The following RNF185 variants were observed in gnomAD, a reference collection of about 807,000 sequenced individuals.
The protein encoded by RNF185 is E3 ubiquitin-protein ligase RNF185.
A neutral mutation model predicts 24.9 loss-of-function variants in RNF185; 13 were observed. The ratio of observed to expected loss-of-function variants is 0.52; its 90% CI spans 0.34 to 0.83. RNF185 has a LOEUF of 0.83. RNF185 is among the 40% of genes least tolerant of loss of function. RNF185 has a pLI of 0.01. For synonymous variants in RNF185, 79 were observed against 90.3 expected (o/e 0.88, Z 0.71); for missense variants, 184 against 244.7 (o/e 0.75, Z 1.65).
intron 1 of RNF185, among the ~76,000 whole-genome samples, chr22:31,182,691 T>G (rs1318670418): frequency 2.0e-5 from 3 of 152,184 alleles, no homozygotes; most frequent in Non-Finnish European, 4.4e-5. Flanking sequence ...TTTGTTTGAA[T>G]CTTGTTCCAA....
Position 31,205,836 on chromosome 22 carries a change from G to A in RNF185, c.*1250G>A, listed in dbSNP as rs867926191. The A allele has an allele frequency of 5.2e-5, 8 of 152,530 alleles. No homozygotes were observed. The highest frequency in any genetic ancestry group is 2.1e-4 in the South Asian group (1 of 4,830). 9.4% of individuals were successfully genotyped at this position (152,530 alleles called of 1,614,324 possible). On this transcript the variant is annotated 3_prime_UTR_variant, in exon 7 of 7. Coordinates refer to ENST00000326132, the MANE Select transcript of RNF185 (RefSeq NM_152267.4). ...GTGTGGTCTTCCCTCCTGTGGAATC[G>A]AGGGGAAATTATTCTTCCCAATACC...
intron 1 of RNF185, among the ~76,000 whole-genome samples, chr22:31,163,673 T>C (rs1198135199): frequency 6.7e-6 from 1 of 149,570 alleles, no homozygotes; most frequent in Non-Finnish European, 1.5e-5. Flanking sequence ...TATTTATTTA[T>C]TTATTTATTT....
chr22:31,169,923 A>G (rs1470046636), intron 1 of RNF185, among the ~76,000 whole-genome samples: 1 of 150,044 alleles, frequency 6.7e-6, no homozygotes, highest in Admixed American at 6.7e-5. Context: ...GTCGTTGGGA[A>G]CAAAGCTCCC....
intron 1 of RNF185, among the ~76,000 whole-genome samples, chr22:31,169,337 T>C (rs1352975340): frequency 6.6e-6 from 1 of 152,258 alleles, no homozygotes; most frequent in Non-Finnish European, 1.5e-5. Flanking sequence ...CATTTTACTC[T>C]ATTGGTAGTG....
chr22:31,186,674 A>G (rs985718423), intron 1 of RNF185, among the ~76,000 whole-genome samples: 1 of 152,172 alleles, frequency 6.6e-6, no homozygotes, highest in Non-Finnish European at 1.5e-5. Flanking sequence ...ACCCATCAAT[A>G]TAGAGGCTGG....
At chr22:31,198,394 C>CTTTTT (rs11298437) in intron 5 of RNF185, among the ~76,000 whole-genome samples, 2 of 96,934 alleles carry the variant, frequency 2.1e-5, no homozygotes, top group Admixed American at 1.2e-4. Context: ...TCTTTGCACA[C>CTTTTT]TTTTTTTTTT....
At chr22:31,172,442 T>A (rs1224333125) in intron 1 of RNF185, among the ~76,000 whole-genome samples, 1 of 150,744 alleles carries the variant, frequency 6.6e-6, no homozygotes, top group Non-Finnish European at 1.5e-5. Flanking sequence ...AGGCACTGTT[T>A]CATACTTATT....
chr22:31,171,156 C>CTTATTTATTTAT (rs55965706), intron 1 of RNF185, among the ~76,000 whole-genome samples: 65,616 of 143,020 alleles, frequency 0.46, 16,110 homozygotes, highest in African/African-American at 0.55. Flanking sequence ...CTCTGATTTA[C>CTTATTTATTTAT]TTATTTATTT....
At position 31,205,943 on chromosome 22, in the gene RNF185, C is replaced by G. The variant is rs1296915051; in HGVS notation, c.*1357C>G. On this transcript the variant is annotated 3_prime_UTR_variant, in exon 7 of 7. Transcript: ENST00000326132. ...GGTACCAAGCAGGTAGGACTGTTCA[C>G]CTGGTGGAACAGTTCTTGCTCTGCC... 3 of 154,162 alleles carry G rather than the reference C, an allele frequency of 1.9e-5. No homozygotes were observed. The highest frequency in any genetic ancestry group is 2.9e-5 in the Non-Finnish European group (2 of 68,224). 9.5% of individuals were successfully genotyped at this position (154,162 alleles called of 1,614,324 possible).
rs144095970 is a variant in RNF185 at position 31,165,178 on chromosome 22, A to G, written c.-49+4875A>G. Among the ~76,000 whole-genome samples, 964 of 152,122 alleles carry G rather than the reference A, an allele frequency of 6.3e-3. 8 individuals are homozygous for G. Among genetic ancestry groups the G allele is most frequent in the African/African-American group, 0.022 (933 of 41,498 alleles). On this transcript the variant is annotated intron_variant, in intron 1 of 6. Coordinates refer to ENST00000326132, the MANE Select transcript of RNF185 (RefSeq NM_152267.4). ...GGTGATCTGTCTGCCTCAGCCTCCC[A>G]AAGTGCTGGGATTACAGGTGTGAGC...
chr22:31,163,755 C>G (rs968804787), intron 1 of RNF185, among the ~76,000 whole-genome samples: 2 of 151,566 alleles, frequency 1.3e-5, no homozygotes, highest in African/African-American at 4.9e-5. Context: ...CTCACTGTAA[C>G]CTCCACCTCC....
chr22:31,175,589 C>T (rs1479948072), intron 1 of RNF185, among the ~76,000 whole-genome samples: 3 of 152,080 alleles, frequency 2.0e-5, no homozygotes, highest in African/African-American at 7.2e-5. Flanking sequence ...TCAGCACTGT[C>T]TCAAAGTTAC....
intron 3 of RNF185, among the ~76,000 whole-genome samples, chr22:31,193,829 A>G (rs2048178061): frequency 6.6e-6 from 1 of 151,946 alleles, no homozygotes; most frequent in African/African-American, 2.4e-5. Flanking sequence ...AAAAAATCAA[A>G]AACAAGCAAA....
intron 1 of RNF185, among the ~76,000 whole-genome samples, chr22:31,184,374 C>G (rs1345612974): frequency 5.9e-5 from 9 of 151,696 alleles, no homozygotes; most frequent in Non-Finnish European, 1.2e-4. Flanking sequence ...CAGGGAGAGA[C>G]TCTCCTCACT....
At chr22:31,192,314 G>GTCCTT (rs974270223) in intron 2 of RNF185, among the ~76,000 whole-genome samples, 2 of 152,154 alleles carry the variant, frequency 1.3e-5, no homozygotes, top group African/African-American at 4.8e-5. Flanking sequence ...TGCACAGGGT[G>GTCCTT]TCCTTAGCTT....
At chr22:31,175,371 T>C (rs1375202355) in intron 1 of RNF185, among the ~76,000 whole-genome samples, 1 of 151,776 alleles carries the variant, frequency 6.6e-6, no homozygotes, top group African/African-American at 2.4e-5. Flanking sequence ...GGAGAATTGC[T>C]TGAACCCGGT....
intron 6 of RNF185, among the ~76,000 whole-genome samples, chr22:31,204,074 G>A (rs1409701560): frequency 2.0e-5 from 3 of 149,318 alleles, no homozygotes; most frequent in African/African-American, 7.4e-5. Flanking sequence ...GCCAGGCATG[G>A]TGGCTCATGC....
rs1464142959 is a variant in RNF185, at chr22:31,204,778, C to G, written c.*192C>G. On this transcript the variant is annotated 3_prime_UTR_variant, in exon 7 of 7. Coordinates refer to ENST00000326132, the MANE Select transcript of RNF185 (RefSeq NM_152267.4). ...TGGCGATGACCCCTGAATATCGCCA[C>G]CGCTGTAAACACTCTATAACTTCAG... 1 of 569,972 alleles carries G rather than the reference C, an allele frequency of 1.8e-6. No homozygotes were observed. Among genetic ancestry groups the G allele is most frequent in the East Asian group, 3.0e-5 (1 of 33,376 alleles). 35.3% of individuals were successfully genotyped at this position (569,972 alleles called of 1,614,324 possible).
At chr22:31,186,394 G>C (rs2147945801) in intron 1 of RNF185, among the ~76,000 whole-genome samples, 1 of 152,270 alleles carries the variant, frequency 6.6e-6, no homozygotes, top group East Asian at 1.9e-4. Context: ...CTGAGGTCAG[G>C]AGTTCAAGAC....
Sources: allele counts gnomAD v4.1 joint callset (sites outside exome capture counted in the v4.1 genomes callset), GRCh38; gene constraint gnomAD v4.1.1; transcripts MANE v1.5; gene names NCBI Gene and HGNC (gene_info 2026-07-23, HGNC 2026-07-21).